LRRC8D: variants seen among roughly 807,000 people sequenced by gnomAD.
LRRC8D encodes the protein volume-regulated anion channel subunit LRRC8D.
LRRC8D carries 20 observed loss-of-function variants against 55.8 expected under a neutral mutation model. The observed-to-expected ratio is 0.36, with a 90% CI of 0.25 to 0.52. The LOEUF (loss-of-function observed/expected upper bound fraction) is 0.52, where lower values mean the gene tolerates loss of function less well. Among genes scored for constraint, LRRC8D ranks in the 20% least tolerant of loss-of-function variants. LRRC8D has a pLI of 0.93. For synonymous variants in LRRC8D, 352 were observed against 377.0 expected (o/e 0.93, Z 0.77); for missense variants, 651 against 1,030.8 (o/e 0.63, Z 5.05).
intron 2 of LRRC8D, among the ~76,000 whole-genome samples, chr1:89,921,592 TG>T (rs1217564727): frequency 6.6e-6 from 1 of 152,180 alleles, no homozygotes; most frequent in Admixed American, 6.5e-5. Flanking sequence ...TTGCCCAGGT[TG>T]GAGTGCAATG....
intron 2 of LRRC8D, among the ~76,000 whole-genome samples, chr1:89,925,607 A>G (rs1355401944): frequency 2.6e-5 from 4 of 152,218 alleles, no homozygotes; most frequent in African/African-American, 9.6e-5. Flanking sequence ...AAGTCACTAG[A>G]GGATCATAAT....
intron 2 of LRRC8D, among the ~76,000 whole-genome samples, chr1:89,926,954 A>T (rs1040434028): frequency 2.0e-5 from 3 of 152,202 alleles, no homozygotes; most frequent in African/African-American, 7.2e-5. Context: ...TTGGCTGCTT[A>T]GAGTAATGTT....
intron 2 of LRRC8D, among the ~76,000 whole-genome samples, chr1:89,892,632 C>T (rs1385969522): frequency 6.6e-6 from 1 of 152,170 alleles, no homozygotes; most frequent in Admixed American, 6.5e-5. Context: ...CATTTTCCTG[C>T]CTCAGCCTCC....
intron 1 of LRRC8D, among the ~76,000 whole-genome samples, chr1:89,826,152 A>G (rs953970026): frequency 6.6e-6 from 1 of 152,200 alleles, no homozygotes; most frequent in Admixed American, 6.5e-5. Context: ...TATATTGTCA[A>G]AGGCTGTGTC....
chr1:89,838,210 A>G (rs200497372), intron 1 of LRRC8D, among the ~76,000 whole-genome samples: 3,274 of 25,132 alleles, frequency 0.13, 119 homozygotes, highest in African/African-American at 0.17. Flanking sequence ...AAAAAAAAAA[A>G]GGGGGGAAAA....
At position 89,859,422 on chromosome 1, in the gene LRRC8D, C is replaced by T. The variant is rs1032492867; in HGVS notation, c.-3+15640C>T. Among the ~76,000 whole-genome samples, 6 of 152,136 alleles carry T rather than the reference C, an allele frequency of 3.9e-5. No individual in the cohort carries two copies. In the East Asian group the frequency reaches 7.7e-4, roughly 20 times the overall value. On this transcript the variant is annotated intron_variant, in intron 2 of 2. Coordinates refer to ENST00000337338, the MANE Select transcript of LRRC8D (RefSeq NM_001134479.2). Reference sequence around the variant, plus strand: ...TTTGACTGCTGACATTGCACCCTTTCGTCTGTTTTTAACTTGTCGAAATTG... The same window carrying T: ...TTTGACTGCTGACATTGCACCCTTTTGTCTGTTTTTAACTTGTCGAAATTG...
At chr1:89,913,768 T>A (rs950013083) in intron 2 of LRRC8D, among the ~76,000 whole-genome samples, 2 of 152,258 alleles carry the variant, frequency 1.3e-5, no homozygotes, top group African/African-American at 4.8e-5. Context: ...CCTTTCCTGC[T>A]CTCTTGTATT....
rs11801795 is a variant in LRRC8D, at chr1:89,898,069, T to C, written c.-2-34998T>C. On this transcript the variant is annotated intron_variant, in intron 2 of 2. Transcript: ENST00000337338. ...TGTCTCTGATATGTGGCTGAACCTCTGTATGTGGTTTAGTGCTCACAGGCA... is the reference window on the plus strand; with the variant it reads ...TGTCTCTGATATGTGGCTGAACCTCCGTATGTGGTTTAGTGCTCACAGGCA... Among the ~76,000 whole-genome samples the C allele has an allele frequency of 8.5e-3, 1,296 of 152,314 alleles. 16 individuals are homozygous for C. The highest frequency in any genetic ancestry group is 0.03 in the African/African-American group (1,257 of 41,566).
chr1:89,859,922 A>C (rs1166790345), intron 2 of LRRC8D, among the ~76,000 whole-genome samples: 1 of 152,234 alleles, frequency 6.6e-6, no homozygotes, highest in Non-Finnish European at 1.5e-5. Context: ...CTTTGAAGTA[A>C]ATTTCTCTGC....
chr1:89,824,407 G>A (rs1660716823), intron 1 of LRRC8D, among the ~76,000 whole-genome samples: 1 of 152,220 alleles, frequency 6.6e-6, no homozygotes, highest in African/African-American at 2.4e-5. Flanking sequence ...AGTGGAGTAA[G>A]TTGGGAATCA....
At chr1:89,877,355 A>G (rs920643329) in intron 2 of LRRC8D, among the ~76,000 whole-genome samples, 10 of 152,202 alleles carry the variant, frequency 6.6e-5, no homozygotes. Flanking sequence ...CCTCATTGGC[A>G]AAACAAGGAT....
intron 2 of LRRC8D, among the ~76,000 whole-genome samples, chr1:89,895,081 G>T (rs1662672549): frequency 6.6e-6 from 1 of 150,812 alleles, no homozygotes; most frequent in African/African-American, 2.4e-5. Context: ...ACTGACTCCT[G>T]TACTTGCTTG....
intron 2 of LRRC8D, among the ~76,000 whole-genome samples, chr1:89,852,490 G>A (rs1390713233): frequency 6.6e-6 from 1 of 152,050 alleles, no homozygotes; most frequent in Admixed American, 6.6e-5. Context: ...CCCACCTCCT[G>A]TGTACTGGTC....
chr1:89,875,968 A>C lies in LRRC8D; in HGVS notation c.-3+32186A>C, dbSNP rs138457197. On this transcript the variant is annotated intron_variant, in intron 2 of 2. Coordinates refer to ENST00000337338, the MANE Select transcript of LRRC8D (RefSeq NM_001134479.2). ...AGTGCCACCTCTTGCTTTCAGGAAC[A>C]CCAGATAGGGTGGGACTCCATATTT... Among the ~76,000 whole-genome samples, 1,123 of 152,314 alleles carry C rather than the reference A, an allele frequency of 7.4e-3. 12 individuals are homozygous for C. Among genetic ancestry groups the C allele is most frequent in the African/African-American group, 0.026 (1,084 of 41,568 alleles).
chr1:89,898,118 TG>T (rs1403673177), intron 2 of LRRC8D, among the ~76,000 whole-genome samples: 1 of 152,172 alleles, frequency 6.6e-6, no homozygotes, highest in South Asian at 2.1e-4. Flanking sequence ...GGAAAAACCT[TG>T]GGTTCCTAAA....
chr1:89,877,250 T>A (rs1461423298), intron 2 of LRRC8D, among the ~76,000 whole-genome samples: 3 of 152,050 alleles, frequency 2.0e-5, no homozygotes, highest in Non-Finnish European at 4.4e-5. Context: ...TTTTTTAAAT[T>A]TGTGTTTATT....
chr1:89,891,133 G>C (rs923329950), intron 2 of LRRC8D, among the ~76,000 whole-genome samples: 1 of 152,196 alleles, frequency 6.6e-6, no homozygotes. Context: ...GCCCGCCTCA[G>C]CCTCCCAAAG....
chr1:89,859,006 C>G (rs1266507719), intron 2 of LRRC8D, among the ~76,000 whole-genome samples: 1 of 152,038 alleles, frequency 6.6e-6, no homozygotes, highest in African/African-American at 2.4e-5. Context: ...TTAAAGTCTA[C>G]AATTGAACAC....
intron 2 of LRRC8D, among the ~76,000 whole-genome samples, chr1:89,868,654 C>T (rs1244217379): frequency 1.3e-5 from 2 of 152,110 alleles, no homozygotes; most frequent in Non-Finnish European, 2.9e-5. Context: ...CATAGCAACT[C>T]GATGAAGTTG....
Sources: gnomAD v4.1 joint callset for allele counts (sites outside exome capture counted in the v4.1 genomes callset) on GRCh38, gnomAD v4.1.1 for gene constraint, MANE v1.5 for transcripts, NCBI Gene and HGNC (gene_info 2026-07-23, HGNC 2026-07-21) for gene names.